Variants in COL6A3 observed in about 807,000 individuals in gnomAD.
COL6A3 encodes collagen type VI alpha 3 chain, also known as collagen alpha-3(VI) chain.
Under a neutral mutation model 274.1 loss-of-function variants are expected in COL6A3, and 137 were observed. That is an observed-to-expected ratio of 0.50 (90% CI 0.44 to 0.58). The LOEUF (loss-of-function observed/expected upper bound fraction) is 0.58, where lower values mean the gene tolerates loss of function less well. Ranked by LOEUF, COL6A3 falls within the 20% of genes least tolerant of loss-of-function variation. The probability of loss-of-function intolerance (pLI) is 0.00; values close to 1 mark genes in which losing one functional copy is unlikely to be tolerated. For missense variants in COL6A3, 3,950 were observed against 4,124.9 expected (o/e 0.96, Z 1.16); for synonymous variants, 1,650 against 1,650.6 (o/e 1.00, Z 0.01).
At chr2:237,391,445 T>A (rs2078284373) in intron 3 of COL6A3, among the ~76,000 whole-genome samples, 1 of 152,212 alleles carries the variant, frequency 6.6e-6, no homozygotes, top group African/African-American at 2.4e-5. Context: ...CTCAGCTATT[T>A]TTGTGAGTAT....
intron 41 of COL6A3, 73 bp downstream of exon 41, chr2:237,334,553 A>G: frequency 1.3e-6 from 2 of 1,491,812 alleles, no homozygotes; most frequent in Non-Finnish European, 1.9e-6. Flanking sequence ...TCAATAAGTA[A>G]GTGTCTCCTT....
intron 42 of COL6A3, among the ~76,000 whole-genome samples, chr2:237,332,117 A>ATG (rs749883512): frequency 0.024 from 1,528 of 64,170 alleles, 340 homozygotes; most frequent in Non-Finnish European, 0.035. Flanking sequence ...ATATATATAT[A>ATG]TGAAAAGAAA....
At chr2:237,404,032 C>G (rs2078662133) in intron 1 of COL6A3, among the ~76,000 whole-genome samples, 1 of 151,772 alleles carries the variant, frequency 6.6e-6, no homozygotes, top group Non-Finnish European at 1.5e-5. Context: ...ATGATATACA[C>G]TTCAGAATAA....
At chr2:237,353,791 C>T (rs940779799) in intron 24 of COL6A3, among the ~76,000 whole-genome samples, 2 of 152,128 alleles carry the variant, frequency 1.3e-5, no homozygotes, top group African/African-American at 4.8e-5. Flanking sequence ...GCACTTGGAC[C>T]CCAAGTCCCC....
At chr2:237,392,013 G>A (rs1354046681) in intron 3 of COL6A3, among the ~76,000 whole-genome samples, 4 of 152,148 alleles carry the variant, frequency 2.6e-5, no homozygotes, top group Non-Finnish European at 5.9e-5. Context: ...TGGCAGGACT[G>A]ATGCCTGTGT....
chr2:237,398,228 T>A (rs1380794248), intron 1 of COL6A3, among the ~76,000 whole-genome samples: 1 of 152,172 alleles, frequency 6.6e-6, no homozygotes, highest in Non-Finnish European at 1.5e-5. Flanking sequence ...CTGGGGTGAT[T>A]TAATTAGTAA....
chr2:237,366,156 G>A, intron 11 of COL6A3, 121 bp from the exon 12 acceptor site: 1 of 816,962 alleles, frequency 1.2e-6, no homozygotes, highest in Non-Finnish European at 2.1e-6. Flanking sequence ...AGTGCAAAAT[G>A]AGATCCTGTG....
chr2:237,396,417 A>T (rs138217602), intron 2 of COL6A3, among the ~76,000 whole-genome samples: 1 of 152,360 alleles, frequency 6.6e-6, no homozygotes, highest in African/African-American at 2.4e-5. Context: ...AAATGTGGAA[A>T]GTCCCTTCAG....
Position 237,336,517 on chromosome 2 carries a change from G to T in COL6A3, c.8583C>A (p.Asn2861Lys). 2 of 1,614,144 alleles carry T rather than the reference G, an allele frequency of 1.2e-6. No individual in the cohort carries two copies. Among genetic ancestry groups the T allele is most frequent in the Non-Finnish European group, 1.7e-6 (2 of 1,180,012 alleles). Residue 2861 changes from asparagine to lysine, a missense_variant, in exon 40 of 44, where the codon AAC becomes AAA. This residue lies in a region of COL6A3 where 1,284 missense variants were observed against 1,349.7 expected (regional missense o/e 0.95). Transcript: ENST00000295550. ...GGTTGGATGTAGGACTTGAAGTAAC[G>T]TTATTCGGAACATTTCTGTTAAGAC... is the stretch of plus-strand genomic sequence containing the variant. ...FGHKQVNVPN[N>K]VTSSPTSNPV... is the part of the protein sequence containing the mutation.
At position 237,407,557 on chromosome 2, in the gene COL6A3, C is replaced by T. The variant is rs567112430; in HGVS notation, c.-31+6396G>A. ...CCTGTAAGAATATGCCGACCTGCAG[C>T]CAGGCTTAGGCCAAGCTCCTCAGAG... On this transcript the variant is annotated intron_variant, in intron 1 of 43. Transcript: ENST00000295550. This position sits in a 1 kb window ranked among gnomAD's most constrained non-coding sequence, Gnocchi z 4.3. 2.0e-5 allele frequency among the ~76,000 whole-genome samples: 3 copies of T among 152,356 alleles called. No homozygotes were observed. In the South Asian group the frequency reaches 6.2e-4, roughly 32 times the overall value.
chr2:237,354,516 T>A (rs2077274967), intron 24 of COL6A3, among the ~76,000 whole-genome samples: 1 of 152,118 alleles, frequency 6.6e-6, no homozygotes, highest in Non-Finnish European at 1.5e-5. Context: ...GTGTATTCAG[T>A]GAAAGGCTAA....
intron 3 of COL6A3, among the ~76,000 whole-genome samples, chr2:237,392,683 C>T (rs1271924744): frequency 1.3e-5 from 2 of 152,210 alleles, no homozygotes; most frequent in African/African-American, 2.4e-5. Context: ...CTTCCTCATG[C>T]CTACTAAATA....
At chr2:237,346,952 A>G (rs1262790222) in intron 31 of COL6A3, among the ~76,000 whole-genome samples, 2 of 151,812 alleles carry the variant, frequency 1.3e-5, no homozygotes, top group East Asian at 3.9e-4. Flanking sequence ...ATATTAAATG[A>G]TCTAGTTTGA....
chr2:237,347,712 G>A, intron 31 of COL6A3, 95 bp downstream of exon 31: 1 of 1,261,130 alleles, frequency 7.9e-7, no homozygotes, highest in Non-Finnish European at 1.1e-6. Context: ...TGGCCAGGGT[G>A]CAAGTGAAGG....
chr2:237,334,855 T>C lies in COL6A3; in HGVS notation c.9000A>G (p.Ile3000Met), dbSNP rs376142052. Residue 3000 changes from isoleucine (I) to methionine (M), a missense_variant, in exon 41 of 44, where the codon ATA becomes ATG. Ile to Met is a conservative substitution (Grantham distance 10, BLOSUM62 1). This residue lies in a region of COL6A3 where 1,284 missense variants were observed against 1,349.7 expected (regional missense o/e 0.95). Transcript: ENST00000295550. The part of the protein sequence containing the change: ...KMSREVQVFE[I>M]TENSAKLHWE... ...AGTGGAGTTTGGCGCTGTTCTCTGT[T>C]ATCTCAAACACCTGGACTTCACGGG... is the stretch of plus-strand genomic sequence containing the variant. 9.3e-6 allele frequency: 15 copies of C among 1,614,052 alleles called. No homozygotes were observed. The African/African-American group carries it at 1.7e-4, about 19-fold the overall frequency.
At chr2:237,333,054 C>A (rs1700345352) in intron 42 of COL6A3, 1 of 312,592 alleles carries the variant, frequency 3.2e-6, no homozygotes, top group Non-Finnish European at 6.3e-6. Context: ...TGGATTCCAG[C>A]CAAATTTGTC....
intron 36 of COL6A3, chr2:237,342,840 C>T (rs1487186263): frequency 1.3e-5 from 2 of 153,798 alleles, no homozygotes; most frequent in Non-Finnish European, 2.9e-5. Flanking sequence ...AGCCCAACTT[C>T]AACACTGAAT....
chr2:237,336,281 GT>G lies in COL6A3; in HGVS notation c.8818del (p.Thr2940ArgfsTer6). 6.2e-7 allele frequency: 1 copy of G among 1,614,036 alleles called. No individual in the cohort carries two copies. Among genetic ancestry groups the G allele is most frequent in the Non-Finnish European group, 8.5e-7 (1 of 1,179,954 alleles). ...CTTTGCTGCTACAGGCTTCGCTGCC[GT>G]TGCTGGCTTCACCGCCACTGGGGGT... ...VRPPVAVKPA[T>X]AAKPVAAKPA... is the part of the protein sequence containing the mutation. On this transcript the variant is annotated frameshift_variant, in exon 40 of 44. Transcript: ENST00000295550. LOFTEE classifies it high-confidence loss of function.
intron 22 of COL6A3, 109 bp from the exon 23 acceptor site, chr2:237,357,500 G>T: frequency 9.6e-7 from 1 of 1,044,764 alleles, no homozygotes; most frequent in East Asian, 2.4e-5. Flanking sequence ...CAGAGGAAGA[G>T]CCCGTCTGCA....
Sources: allele counts gnomAD v4.1 joint callset (sites outside exome capture counted in the v4.1 genomes callset), GRCh38; gene constraint gnomAD v4.1.1; regional missense constraint gnomAD v4.1.1; non-coding constraint Gnocchi (gnomAD v3.1); transcripts MANE v1.5; gene names NCBI Gene and HGNC (gene_info 2026-07-23, HGNC 2026-07-21).